The following NIPAL4 variants were observed in gnomAD, a reference collection of about 807,000 sequenced individuals.
The protein encoded by NIPAL4 is NIPA like domain containing 4.
A neutral mutation model predicts 31.6 loss-of-function variants in NIPAL4; 21 were observed. The observed-to-expected ratio is 0.67, with a 90% CI of 0.47 to 0.96. The LOEUF (loss-of-function observed/expected upper bound fraction) is 0.96, where lower values mean the gene tolerates loss of function less well. NIPAL4 is among the 40% of genes least tolerant of loss of function. The probability of loss-of-function intolerance (pLI) is 0.00; values close to 1 mark genes in which losing one functional copy is unlikely to be tolerated. For missense variants in NIPAL4, 438 were observed against 508.0 expected, an observed-to-expected ratio of 0.86 and a Z score of 1.32; for synonymous variants, 175 against 211.1, an observed-to-expected ratio of 0.83 and a Z score of 1.48.
At position 157,471,510 on chromosome 5, in the gene NIPAL4, A is replaced by C. The variant is rs1249584120; in HGVS notation, c.426-147A>C. 6 of 627,756 alleles carry C rather than the reference A, an allele frequency of 9.6e-6. No individual in the cohort carries two copies. The East Asian group carries it at 1.7e-4, about 18-fold the overall frequency. The allele number at this position is 627,756 out of a possible 1,614,324, so 38.9% of individuals were successfully genotyped here. ...CACATGATTTGCCCATGGTAACGTA[A>C]GTTTTTTTGGAAGAAAACCTTCCAC... On this transcript the variant is annotated intron_variant, in intron 4 of 5. Coordinates refer to ENST00000311946, the MANE Select transcript of NIPAL4 (RefSeq NM_001099287.2).
chr5:157,470,482 A>G (rs763927956), intron 4 of NIPAL4, among the ~76,000 whole-genome samples: 6 of 152,330 alleles, frequency 3.9e-5, no homozygotes, highest in African/African-American at 1.4e-4. Context: ...TTGCCAAGTC[A>G]TTTTAACTTC....
At position 157,473,021 on chromosome 5, in the gene NIPAL4, A is replaced by G. The variant is rs1434449089; in HGVS notation, c.*61A>G. On this transcript the variant is annotated 3_prime_UTR_variant, in exon 6 of 6. Coordinates refer to ENST00000311946, the MANE Select transcript of NIPAL4 (RefSeq NM_001099287.2). The stretch of plus-strand genomic sequence containing the variant: ...GGTACAGCCTGCCCTCCCAATTTCA[A>G]AACCACCTGGTTATTTTCCAGTGCA... 1.4e-6 allele frequency: 2 copies of G among 1,388,400 alleles called. No individual in the cohort carries two copies. The highest frequency in any genetic ancestry group is 2.9e-5 in the African/African-American group (2 of 69,666). 86.0% of individuals were successfully genotyped at this position (1,388,400 alleles called of 1,614,324 possible). A position where few individuals can be genotyped will look rare whatever the true frequency, so the allele number is the denominator to read the frequency against.
intron 4 of NIPAL4, among the ~76,000 whole-genome samples, chr5:157,470,377 C>T (rs2077915656): frequency 6.6e-6 from 1 of 152,130 alleles, no homozygotes; most frequent in Admixed American, 6.5e-5. Flanking sequence ...CACAAGGATC[C>T]TCTTCAACGA....
rs1754509625 is a variant in NIPAL4, at chr5:157,473,814, A to G, written c.*854A>G. The G allele has an allele frequency of 6.6e-6, 1 of 152,264 alleles. No homozygotes were observed. The highest frequency in any genetic ancestry group is 6.5e-5 in the Admixed American group (1 of 15,286). 9.4% of individuals were successfully genotyped at this position (152,264 alleles called of 1,614,324 possible). A position where few individuals can be genotyped will look rare whatever the true frequency, so the allele number is the denominator to read the frequency against. On this transcript the variant is annotated 3_prime_UTR_variant, in exon 6 of 6. Transcript: ENST00000311946. ...TCTTACTCTGAAAGAAGAACAGCAA[A>G]TTCACTGCTTCAAAGTGGCCTGGCT... is the stretch of plus-strand genomic sequence containing the variant.
chr5:157,463,071 C>T, intron 1 of NIPAL4, 23 bp from the exon 2 acceptor site: 1 of 1,613,326 alleles, frequency 6.2e-7, no homozygotes, highest in Non-Finnish European at 8.5e-7. Flanking sequence ...GTGTGACTCT[C>T]TCACTGTGGT....
chr5:157,461,160 G>A (rs1261996138), intron 1 of NIPAL4, among the ~76,000 whole-genome samples: 2 of 152,188 alleles, frequency 1.3e-5, no homozygotes, highest in East Asian at 3.8e-4. Context: ...AGCTTTCAAA[G>A]CCAGCCTGTT....
chr5:157,460,409 C>T (rs1358714404), intron 1 of NIPAL4, 52 bp downstream of exon 1: 4 of 1,483,238 alleles, frequency 2.7e-6, no homozygotes, highest in Non-Finnish European at 3.6e-6. Flanking sequence ...CGCGCCCTCC[C>T]CTCCTTGCCA....
At chr5:157,469,286 T>C (rs1482748723) in intron 4 of NIPAL4, among the ~76,000 whole-genome samples, 1 of 152,188 alleles carries the variant, frequency 6.6e-6, no homozygotes, top group Admixed American at 6.5e-5. Flanking sequence ...TGGGGGGCAT[T>C]GTTCTGAGGA....
intron 3 of NIPAL4, chr5:157,467,733 A>T (rs192583612): frequency 6.4e-6 from 1 of 155,944 alleles, no homozygotes; most frequent in Non-Finnish European, 1.4e-5. Flanking sequence ...GGAAAAAGAC[A>T]CTTTTCTGAT....
Position 157,469,805 on chromosome 5 carries a change from T to C in NIPAL4, c.425+993T>C, listed in dbSNP as rs191797067. 1.9e-4 allele frequency among the ~76,000 whole-genome samples: 29 copies of C among 152,276 alleles called. No homozygotes were observed. In the East Asian group the frequency reaches 5.2e-3, roughly 27 times the overall value. On this transcript the variant is annotated intron_variant, in intron 4 of 5. Coordinates refer to ENST00000311946, the MANE Select transcript of NIPAL4 (RefSeq NM_001099287.2). ...TTGTTTTACCATCTTGATGAAAATT[T>C]TGCAACATTTACACACTCAAAAAAC...
intron 1 of NIPAL4, chr5:157,460,672 T>G: frequency 3.5e-6 from 2 of 567,628 alleles, no homozygotes; most frequent in Non-Finnish European, 3.3e-6. Context: ...GGGGGGAGGA[T>G]TCTGTGTTTT....
chr5:157,471,651 G>A lies in NIPAL4; in HGVS notation c.426-6G>A, dbSNP rs535535655. On this transcript the variant is annotated splice_polypyrimidine_tract_variant and splice_region_variant and intron_variant, in intron 4 of 5. Coordinates refer to ENST00000311946, the MANE Select transcript of NIPAL4 (RefSeq NM_001099287.2). ...TCTAATCCCCTTCTCCCATTTCCACGTGCAGTGCCATCCTCTCCTCATATT... is the reference window on the plus strand; with the variant it reads ...TCTAATCCCCTTCTCCCATTTCCACATGCAGTGCCATCCTCTCCTCATATT... The A allele has an allele frequency of 6.9e-6, 11 of 1,599,190 alleles. No individual in the cohort carries two copies. Among genetic ancestry groups the A allele is most frequent in the South Asian group, 2.2e-5 (2 of 88,928 alleles).
At chr5:157,461,165 C>A in intron 1 of NIPAL4, among the ~76,000 whole-genome samples, 1 of 152,174 alleles carries the variant, frequency 6.6e-6, no homozygotes, top group East Asian at 1.9e-4. Context: ...TCAAAGCCAG[C>A]CTGTTAGGTG....
intron 4 of NIPAL4, 64 bp downstream of exon 4, chr5:157,468,876 T>C: frequency 9.0e-7 from 1 of 1,112,400 alleles, no homozygotes. Flanking sequence ...AGGCCTGGAA[T>C]TGCCAAGTGG....
Position 157,471,761 on chromosome 5 carries a change from C to T in NIPAL4, c.530C>T (p.Pro177Leu), listed in dbSNP as rs1427037117. The T allele has an allele frequency of 1.2e-6, 2 of 1,602,964 alleles. No individual in the cohort carries two copies. Among genetic ancestry groups the T allele is most frequent in the Non-Finnish European group, 1.7e-6 (2 of 1,174,612 alleles). ...AGCACAGTGATGGTGATACATGCTCCTGAGGAAGAGAAGGTCACTACCATC... is the reference window on the plus strand; with the variant it reads ...AGCACAGTGATGGTGATACATGCTCTTGAGGAAGAGAAGGTCACTACCATC... ...AGSTVMVIHA[P>L]EEEKVTTIME... The change falls in exon 5 of 6, where the codon CCT (proline) becomes CTT (leucine). Residue 177 changes from proline (P) to leucine (L), a missense_variant. Coordinates refer to ENST00000311946, the MANE Select transcript of NIPAL4 (RefSeq NM_001099287.2).
chr5:157,468,571 G>A (rs369265217), intron 3 of NIPAL4, 151 bp from the exon 4 acceptor site: 138 of 611,270 alleles, frequency 2.3e-4, no homozygotes, highest in Non-Finnish European at 3.8e-4. Context: ...ACTGACCTTC[G>A]ATCAGACTCT....
At chr5:157,463,412 T>C (rs1040648554) in intron 2 of NIPAL4, 79 bp downstream of exon 2, 2 of 1,459,490 alleles carry the variant, frequency 1.4e-6, no homozygotes, top group African/African-American at 2.8e-5. Context: ...TCTAAGAGGA[T>C]GGCCTCAGCA....
At chr5:157,467,222 A>G in intron 3 of NIPAL4, 117 bp downstream of exon 3, 1 of 755,554 alleles carries the variant, frequency 1.3e-6, no homozygotes, top group Non-Finnish European at 2.3e-6. Context: ...TCTGAGGCCC[A>G]GATTCCCAGG....
At chr5:157,464,365 G>A (rs1024516109) in intron 2 of NIPAL4, among the ~76,000 whole-genome samples, 1 of 152,142 alleles carries the variant, frequency 6.6e-6, no homozygotes, top group Admixed American at 6.5e-5. Flanking sequence ...GAGTGCAATT[G>A]TTAAGTGACT....
Sources: gnomAD v4.1 joint callset for allele counts (sites outside exome capture counted in the v4.1 genomes callset) on GRCh38, gnomAD v4.1.1 for gene constraint, MANE v1.5 for transcripts, NCBI Gene and HGNC (gene_info 2026-07-23, HGNC 2026-07-21) for gene names.